FAM13B: variants seen among roughly 807,000 people sequenced by gnomAD.
The protein encoded by FAM13B is protein FAM13B.
A neutral mutation model predicts 117.3 loss-of-function variants in FAM13B; 60 were observed. The observed-to-expected ratio is 0.51, with a 90% CI of 0.42 to 0.63. The LOEUF (loss-of-function observed/expected upper bound fraction) is 0.63. Among genes scored for constraint, FAM13B ranks in the 30% least tolerant of loss-of-function variants. FAM13B has a pLI of 0.00. For synonymous variants in FAM13B, 332 were observed against 356.1 expected (o/e 0.93, Z 0.76); for missense variants, 972 against 1,091.9 (o/e 0.89, Z 1.55).
In FAM13B at chr5:137,938,826, T is replaced by G. The variant is rs1366324560; in HGVS notation, c.*1399A>C. ...AATTCCATTTTTATATGGAATAAAT[T>G]GTTAATATTAGCTAGTTAAGAAAAC... On this transcript the variant is annotated 3_prime_UTR_variant, in exon 24 of 24. Transcript: ENST00000689681. 2 of 152,428 alleles carry G rather than the reference T, an allele frequency of 1.3e-5. No individual in the cohort carries two copies. Among genetic ancestry groups the G allele is most frequent in the Non-Finnish European group, 2.9e-5 (2 of 67,998 alleles). 9.4% of individuals were successfully genotyped at this position (152,428 alleles called of 1,614,324 possible).
intron 10 of FAM13B, among the ~76,000 whole-genome samples, chr5:137,963,719 G>C (rs1768834284): frequency 1.3e-5 from 2 of 152,220 alleles, no homozygotes; most frequent in Admixed American, 6.5e-5. Context: ...AGCTGGGGGA[G>C]TGGGGAGTGA....
chr5:137,946,304 G>A lies in FAM13B; in HGVS notation c.2168C>T (p.Thr723Ile). Residue 723 changes from threonine (T) to isoleucine (I), a missense_variant, in exon 19 of 24, where the codon ACC (threonine) becomes ATC (isoleucine). Thr to Ile is a moderately conservative substitution (Grantham distance 89). Transcript: ENST00000689681. ...RCLPEDIKKM[T>I]KDHLVEEKAS... ...TTTCTCTTCTACCAAATGATCTTTG[G>A]TCATTTTCTGGAATTAAACAAAAAA... 1 of 1,519,860 alleles carries A rather than the reference G, an allele frequency of 6.6e-7. No individual in the cohort carries two copies. The highest frequency in any genetic ancestry group is 8.8e-7 in the Non-Finnish European group (1 of 1,131,202). 94.1% of individuals were successfully genotyped at this position (1,519,860 alleles called of 1,614,324 possible).
chr5:138,051,897 G>A (rs941616646), exon 1 of FAM13B: 5 of 152,126 alleles, frequency 3.3e-5, no homozygotes, highest in African/African-American at 1.2e-4. Flanking sequence ...CAGCCCTGTA[G>A]ATGTCCCTTT....
intron 10 of FAM13B, among the ~76,000 whole-genome samples, chr5:137,968,195 C>G (rs35021301): frequency 7.3e-6 from 1 of 137,428 alleles, no homozygotes; most frequent in Non-Finnish European, 1.5e-5. Context: ...GCACTCCAAT[C>G]TGGGCGACAG....
intron 1 of FAM13B, among the ~76,000 whole-genome samples, chr5:138,027,619 G>A (rs747103323): frequency 6.6e-6 from 1 of 152,182 alleles, no homozygotes; most frequent in Non-Finnish European, 1.5e-5. Flanking sequence ...AGCATAATTT[G>A]TCTGACATAC....
At chr5:138,035,095 C>G (rs1791022965), upstream of FAM13B, among the ~76,000 whole-genome samples, 1 of 139,392 alleles carries the variant, frequency 7.2e-6, no homozygotes, top group Non-Finnish European at 1.5e-5. Flanking sequence ...TCAATACAGC[C>G]TCAACTTCCT....
In FAM13B at chr5:137,939,078, G is replaced by A. The variant is rs1001100927; in HGVS notation, c.*1147C>T. ...GCAAAGCCAAAGGAAAAAAAGATAT[G>A]CTAAGAGTATATGACAAGGGGCATA... On this transcript the variant is annotated 3_prime_UTR_variant, in exon 24 of 24. Coordinates refer to ENST00000689681, the MANE Select transcript of FAM13B (RefSeq NM_001385994.1). 2.0e-5 allele frequency: 3 copies of A among 152,100 alleles called. No individual in the cohort carries two copies. Among genetic ancestry groups the A allele is most frequent in the African/African-American group, 7.2e-5 (3 of 41,410 alleles). The allele number at this position is 152,100 out of a possible 1,614,324, so 9.4% of individuals were successfully genotyped here.
chr5:137,987,948 CCTA>C (rs1188377169), intron 8 of FAM13B, among the ~76,000 whole-genome samples: 1 of 152,146 alleles, frequency 6.6e-6, no homozygotes, highest in East Asian at 1.9e-4. Flanking sequence ...AGCAAAATAA[CCTA>C]CTAACAGCAA....
At chr5:138,041,296 T>C (rs1186052460) in intron 1 of FAM13B, among the ~76,000 whole-genome samples, 3 of 152,204 alleles carry the variant, frequency 2.0e-5, no homozygotes, top group Non-Finnish European at 4.4e-5. Context: ...CTATCCAAAA[T>C]AATGGCAACA....
In FAM13B at chr5:137,953,347, T is replaced by C. The variant is rs749143148; in HGVS notation, c.1837A>G (p.Arg613Gly). Reference sequence around the variant, plus strand: ...TGCTACAAACCTACCTTGCTATTTCTTTCCCTTTCAAACTGTTCCTCAAAT... The same window carrying C: ...TGCTACAAACCTACCTTGCTATTTCCTTCCCTTTCAAACTGTTCCTCAAAT... The part of the protein sequence containing the change: ...RQFEEQFERE[R>G]NSKPSYSDIA... Residue 613 changes from arginine to glycine, a missense_variant, in exon 16 of 24, where the codon AGA becomes GGA. Coordinates refer to ENST00000689681, the MANE Select transcript of FAM13B (RefSeq NM_001385994.1). The C allele has an allele frequency of 2.5e-6, 4 of 1,613,994 alleles. No homozygotes were observed. Among genetic ancestry groups the C allele is most frequent in the Admixed American group, 1.7e-5 (1 of 60,022 alleles).
Position 137,954,374 on chromosome 5 carries a change from G to A in FAM13B, c.1510C>T (p.Pro504Ser). Residue 504 changes from proline (P) to serine (S), a missense_variant and splice_region_variant, in exon 15 of 24, where the codon CCA (proline) becomes TCA (serine). Pro to Ser is a moderately conservative substitution (Grantham distance 74). Coordinates refer to ENST00000689681, the MANE Select transcript of FAM13B (RefSeq NM_001385994.1). Reference sequence around the variant, plus strand: ...TGCCAAGACTTAAAAGCAGGAAATGGCTCTATAAAACAAACACAAAGAATA... The same window carrying A: ...TGCCAAGACTTAAAAGCAGGAAATGACTCTATAAAACAAACACAAAGAATA... ...TMHLQRDGEEPFPAFKSWQED... is the reference protein window; with the variant it reads ...TMHLQRDGEESFPAFKSWQED... 1.2e-6 allele frequency: 2 copies of A among 1,611,654 alleles called. No individual in the cohort carries two copies. Among genetic ancestry groups the A allele is most frequent in the Non-Finnish European group, 1.7e-6 (2 of 1,178,744 alleles).
chr5:138,000,093 A>T (rs116886925), intron 7 of FAM13B, among the ~76,000 whole-genome samples: 1 of 152,220 alleles, frequency 6.6e-6, no homozygotes, highest in Non-Finnish European at 1.5e-5. Flanking sequence ...AATTACACTA[A>T]TATGTGATAG....
At chr5:138,028,203 C>T (rs1262001285) in intron 1 of FAM13B, among the ~76,000 whole-genome samples, 1 of 152,074 alleles carries the variant, frequency 6.6e-6, no homozygotes, top group East Asian at 1.9e-4. Context: ...TTGGGAATTT[C>T]ACTGCTTTAA....
At chr5:138,006,864 G>C (rs1294544466) in intron 7 of FAM13B, 126 bp downstream of exon 7, 1 of 891,424 alleles carries the variant, frequency 1.1e-6, no homozygotes, top group African/African-American at 1.7e-5. Flanking sequence ...TTTACTTCTT[G>C]CTCTTTTTCA....
chr5:137,990,040 A>T (rs1018668374), intron 7 of FAM13B, among the ~76,000 whole-genome samples: 3 of 152,230 alleles, frequency 2.0e-5, no homozygotes, highest in African/African-American at 2.4e-5. Flanking sequence ...GCTTTCCCTG[A>T]AGAGTCTTAA....
At chr5:138,008,768 A>C (rs1426720340) in intron 6 of FAM13B, among the ~76,000 whole-genome samples, 1 of 152,248 alleles carries the variant, frequency 6.6e-6, no homozygotes, top group Non-Finnish European at 1.5e-5. Context: ...AGTATCCACC[A>C]TCCAAACTAC....
upstream of FAM13B, chr5:138,033,776 G>A (rs1459273272): frequency 1.3e-5 from 2 of 152,166 alleles, no homozygotes; most frequent in Non-Finnish European, 2.9e-5. Flanking sequence ...AACTCACAAG[G>A]GTATGAATAT....
intron 22 of FAM13B, chr5:137,942,564 T>C: frequency 3.3e-6 from 1 of 302,088 alleles, no homozygotes; most frequent in South Asian, 4.7e-5. Flanking sequence ...GGTCCCACTA[T>C]ATTGCCCAGG....
At chr5:137,994,892 CAAATA>C (rs930856663) in intron 7 of FAM13B, among the ~76,000 whole-genome samples, 2 of 152,086 alleles carry the variant, frequency 1.3e-5, no homozygotes, top group African/African-American at 4.8e-5. Context: ...ATTTTGTATC[CAAATA>C]AAATAAGAAA....
Sources: allele counts gnomAD v4.1 joint callset (sites outside exome capture counted in the v4.1 genomes callset), GRCh38; gene constraint gnomAD v4.1.1; transcripts MANE v1.5; gene names NCBI Gene and HGNC (gene_info 2026-07-23, HGNC 2026-07-21).